The following ZNF713 variants were observed in gnomAD, a reference collection of about 807,000 sequenced individuals.
The protein encoded by ZNF713 is zinc finger protein 713.
Under a neutral mutation model 28.7 loss-of-function variants are expected in ZNF713, and 21 were observed. The observed-to-expected ratio is 0.73, with a 90% CI of 0.52 to 1.05. The LOEUF is 1.05. ZNF713 is among the 50% of genes least tolerant of loss of function. The probability of loss-of-function intolerance (pLI) is 0.00; values close to 1 mark genes in which losing one functional copy is unlikely to be tolerated. For synonymous variants in ZNF713, 167 were observed against 178.0 expected (o/e 0.94, Z 0.49); for missense variants, 458 against 532.4 (o/e 0.86, Z 1.37).
At chr7:55,889,166 A>G (rs1410637045) in intron 1 of ZNF713, among the ~76,000 whole-genome samples, 1 of 146,086 alleles carries the variant, frequency 6.8e-6, no homozygotes, top group East Asian at 2.0e-4. Flanking sequence ...CAATGGTGTG[A>G]TCTCCGCTCA....
intron 2 of ZNF713, among the ~76,000 whole-genome samples, chr7:55,909,605 C>A (rs1785747729): frequency 6.6e-6 from 1 of 152,096 alleles, no homozygotes; most frequent in South Asian, 2.1e-4. Flanking sequence ...AGGAATTGTG[C>A]TGAATCTGTG....
intron 1 of ZNF713, among the ~76,000 whole-genome samples, chr7:55,905,314 C>G (rs948917233): frequency 1.3e-5 from 2 of 152,248 alleles, no homozygotes; most frequent in African/African-American, 4.8e-5. Flanking sequence ...TAGGAGCTCT[C>G]TGGTGGAACC....
chr7:55,907,596 C>A (rs1209218712), intron 2 of ZNF713, among the ~76,000 whole-genome samples: 1 of 152,136 alleles, frequency 6.6e-6, no homozygotes, highest in Non-Finnish European at 1.5e-5. Flanking sequence ...ATCTTTCAAC[C>A]CTAACCCTTG....
rs146030725 is a variant in ZNF713, at chr7:55,933,012, C to T, written c.308-5970C>T. On this transcript the variant is annotated intron_variant, in intron 6 of 6. Transcript: ENST00000429591. ...CAGCACTTTGGGAGGTTGAGGAGGG[C>T]GAATCACAAGGTCAGGAGTTCAAGA... Among the ~76,000 whole-genome samples, 594 of 150,476 alleles carry T rather than the reference C, an allele frequency of 3.9e-3. 4 individuals carry two copies. Among genetic ancestry groups the T allele is most frequent in the African/African-American group, 0.013 (548 of 40,978 alleles).
chr7:55,892,969 G>T (rs1237245301), intron 1 of ZNF713, among the ~76,000 whole-genome samples: 1 of 150,878 alleles, frequency 6.6e-6, no homozygotes, highest in Admixed American at 6.6e-5. Flanking sequence ...TGCAAGCTCC[G>T]TCTCCCGGGT....
chr7:55,893,204 T>G lies in ZNF713; in HGVS notation c.-583+5524T>G, dbSNP rs376709152. On this transcript the variant is annotated intron_variant, in intron 1 of 6. Coordinates refer to ENST00000429591, the MANE Select transcript of ZNF713 (RefSeq NM_182633.3). ...GGACTAATTTGATCATAGTTTTATG[T>G]GACATGGGAGCCTTCAGACTGAAGA... Among the ~76,000 whole-genome samples the G allele has an allele frequency of 4.8e-4, 73 of 152,172 alleles. 1 individual carries two copies. The East Asian group carries it at 8.3e-3, about 17-fold the overall frequency.
chr7:55,913,493 G>A (rs1257213119), intron 4 of ZNF713, among the ~76,000 whole-genome samples: 2 of 151,950 alleles, frequency 1.3e-5, no homozygotes, highest in East Asian at 1.9e-4. Context: ...GAGCCACCAC[G>A]CCCGGCCTAA....
intron 1 of ZNF713, among the ~76,000 whole-genome samples, chr7:55,905,440 A>G (rs1191529103): frequency 6.6e-6 from 1 of 152,140 alleles, no homozygotes; most frequent in East Asian, 1.9e-4. Flanking sequence ...AGTGAGCTTC[A>G]CTGGTATTCC....
At chr7:55,914,197 A>G (rs1195377476) in intron 4 of ZNF713, among the ~76,000 whole-genome samples, 3 of 152,198 alleles carry the variant, frequency 2.0e-5, no homozygotes, top group East Asian at 1.9e-4. Context: ...AAAATAAAAT[A>G]TTTAAGATCT....
chr7:55,932,800 C>T (rs149508626), intron 6 of ZNF713, among the ~76,000 whole-genome samples: 20,724 of 134,980 alleles, frequency 0.15, 1,656 homozygotes, highest in Middle Eastern at 0.2. Flanking sequence ...GGGAGAATGG[C>T]GTGAACCCGG....
chr7:55,912,808 G>A (rs1040866704), intron 4 of ZNF713, 85 bp downstream of exon 4: 4 of 1,131,580 alleles, frequency 3.5e-6, no homozygotes, highest in Non-Finnish European at 5.2e-6. Context: ...GAAGTGCTGA[G>A]TCACAAAAAT....
intron 1 of ZNF713, among the ~76,000 whole-genome samples, chr7:55,889,082 A>G (rs1661190789): frequency 6.7e-6 from 1 of 149,982 alleles, no homozygotes; most frequent in African/African-American, 2.5e-5. Context: ...ATCCCCCTTA[A>G]TTGTGTCCTT....
chr7:55,920,212 ACTC>A (rs1785969301), intron 4 of ZNF713, among the ~76,000 whole-genome samples: 1 of 152,174 alleles, frequency 6.6e-6, no homozygotes, highest in Non-Finnish European at 1.5e-5. Flanking sequence ...GATGGAATCT[ACTC>A]CTGGTGAAGA....
At chr7:55,898,073 A>G (rs1478051251) in intron 1 of ZNF713, among the ~76,000 whole-genome samples, 1 of 152,206 alleles carries the variant, frequency 6.6e-6, no homozygotes, top group Non-Finnish European at 1.5e-5. Context: ...GGGGTTGAAG[A>G]TAGAGTTAAT....
intron 4 of ZNF713, among the ~76,000 whole-genome samples, chr7:55,921,864 C>T (rs1785998069): frequency 6.6e-6 from 1 of 152,130 alleles, no homozygotes; most frequent in South Asian, 2.1e-4. Context: ...GCATCACATG[C>T]TACAGAGAAC....
intron 4 of ZNF713, among the ~76,000 whole-genome samples, chr7:55,919,490 G>GTTTTTTTTTTTTTTTTTTTTTTTTTTTTT (rs55656709): frequency 3.3e-4 from 22 of 66,764 alleles, no homozygotes; most frequent in East Asian, 1.4e-3. Context: ...AAACACTCCA[G>GTTTTTTTTTTTTTTTTTTTTTTTTTTTTT]TTTTTTTTTT....
Position 55,904,126 on chromosome 7 carries a change from GAGTCACC to G in ZNF713, c.-582-2112_-582-2106del, listed in dbSNP as rs1282511643. 3.0e-4 allele frequency among the ~76,000 whole-genome samples: 17 copies of G among 56,106 alleles called. 5 individuals are homozygous for G. In the East Asian group the frequency reaches 0.014, roughly 45 times the overall value. The allele number at this position is 56,106 out of a possible 152,430, so 36.8% of individuals were successfully genotyped here. A position where few individuals can be genotyped will look rare whatever the true frequency, so the allele number is the denominator to read the frequency against. On this transcript the variant is annotated intron_variant, in intron 1 of 6. Transcript: ENST00000429591. ...GAGAGAGACGGTGGAAGTAAAGCAA[GAGTCACC>G]AGTCACCAGTCACCCGTATCAGATA...
At chr7:55,932,890 C>CAAAAAA (rs61092452) in intron 6 of ZNF713, among the ~76,000 whole-genome samples, 1,324 of 47,682 alleles carry the variant, frequency 0.028, 85 homozygotes, top group East Asian at 0.15. Flanking sequence ...GACTCCGTCT[C>CAAAAAA]AAAAAAAAAA....
At chr7:55,899,500 A>G (rs1562736500) in intron 1 of ZNF713, among the ~76,000 whole-genome samples, 1 of 145,482 alleles carries the variant, frequency 6.9e-6, no homozygotes, top group Non-Finnish European at 1.5e-5. Flanking sequence ...GCGAGACCCC[A>G]TCTCTACTAA....
Sources: allele counts gnomAD v4.1 joint callset (sites outside exome capture counted in the v4.1 genomes callset), GRCh38; gene constraint gnomAD v4.1.1; transcripts MANE v1.5; gene names NCBI Gene and HGNC (gene_info 2026-07-23, HGNC 2026-07-21).